Variants in PLXNA4 observed in about 807,000 individuals in gnomAD.
PLXNA4 encodes plexin-A4.
PLXNA4 carries 44 observed loss-of-function variants against 191.8 expected under a neutral mutation model. The observed-to-expected ratio is 0.23, with a 90% confidence interval of 0.18 to 0.29. The LOEUF (loss-of-function observed/expected upper bound fraction) is 0.29. PLXNA4 is among the 10% of genes least tolerant of loss of function. The pLI is 1.00. For missense variants in PLXNA4, 1,800 were observed against 2,488.8 expected (o/e 0.72, Z 5.89); for synonymous variants, 1,082 against 1,009.5 (o/e 1.07, Z -1.36).
At chr7:132,481,706 A>T (rs1356862085) in intron 3 of PLXNA4, among the ~76,000 whole-genome samples, 1 of 152,176 alleles carries the variant, frequency 6.6e-6, no homozygotes, top group Non-Finnish European at 1.5e-5. Context: ...ACAGAGGCCA[A>T]AGGCAGAAGA....
chr7:132,634,421 G>T (rs28360900), intron 2 of PLXNA4, among the ~76,000 whole-genome samples: 2,200 of 151,276 alleles, frequency 0.015, 83 homozygotes, highest in African/African-American at 0.051. Flanking sequence ...GAGTGAGTAG[G>T]GGTCTGACAC....
At chr7:132,567,144 T>C (rs562579436) in intron 1 of PLXNA4, among the ~76,000 whole-genome samples, 1 of 152,212 alleles carries the variant, frequency 6.6e-6, no homozygotes, top group East Asian at 1.9e-4. Flanking sequence ...CAACAACAGG[T>C]CTTCTTCACC....
At chr7:132,569,679 TC>T (rs918037455) in intron 1 of PLXNA4, among the ~76,000 whole-genome samples, 3 of 152,272 alleles carry the variant, frequency 2.0e-5, no homozygotes, top group Non-Finnish European at 2.9e-5. Flanking sequence ...CCTAGCTTTT[TC>T]CACAACAGTG....
intron 3 of PLXNA4, among the ~76,000 whole-genome samples, chr7:132,434,703 C>A (rs1400290649): frequency 6.6e-6 from 1 of 152,156 alleles, no homozygotes; most frequent in Non-Finnish European, 1.5e-5. Context: ...TTGGGGACAC[C>A]AAGGCACACA....
At chr7:132,133,304 T>G (rs1795022358) in intron 30 of PLXNA4, 105 bp from the exon 31 acceptor site, 1 of 1,524,404 alleles carries the variant, frequency 6.6e-7, no homozygotes, top group Non-Finnish European at 8.8e-7. Flanking sequence ...CAGCTTGCAC[T>G]GCAGGTAGTG....
At chr7:132,273,452 C>T (rs1800153979) in intron 4 of PLXNA4, among the ~76,000 whole-genome samples, 1 of 152,166 alleles carries the variant, frequency 6.6e-6, no homozygotes, top group African/African-American at 2.4e-5. Flanking sequence ...TGCTGACTGA[C>T]CTCAACTATG....
chr7:132,151,794 C>G (rs1480900849), intron 25 of PLXNA4, among the ~76,000 whole-genome samples: 4 of 152,144 alleles, frequency 2.6e-5, no homozygotes, highest in African/African-American at 9.7e-5. Flanking sequence ...TCACAAGAAG[C>G]CTACCCAGCT....
intron 3 of PLXNA4, among the ~76,000 whole-genome samples, chr7:132,424,980 C>T (rs1442019487): frequency 1.3e-5 from 2 of 152,146 alleles, no homozygotes; most frequent in African/African-American, 4.8e-5. Flanking sequence ...GTGGGTGAGC[C>T]GCTCACTGCC....
At chr7:132,238,881 A>G (rs749321025) in intron 5 of PLXNA4, among the ~76,000 whole-genome samples, 12 of 152,032 alleles carry the variant, frequency 7.9e-5, no homozygotes, top group African/African-American at 2.4e-4. Context: ...CCCACCCTAC[A>G]CTACATTTCC....
At chr7:132,203,293 C>A in intron 11 of PLXNA4, 30 bp downstream of exon 11, 1 of 1,581,822 alleles carries the variant, frequency 6.3e-7, no homozygotes, top group South Asian at 1.1e-5. Flanking sequence ...CTTCCCCTCC[C>A]TCCCCTGCTA....
chr7:132,516,817 G>A (rs1798960582), intron 1 of PLXNA4, among the ~76,000 whole-genome samples: 1 of 152,184 alleles, frequency 6.6e-6, no homozygotes, highest in Non-Finnish European at 1.5e-5. Context: ...AGCTGGGCAT[G>A]GTGGCACATG....
intron 2 of PLXNA4, among the ~76,000 whole-genome samples, chr7:132,605,716 C>T (rs1802910621): frequency 6.8e-6 from 1 of 147,722 alleles, no homozygotes; most frequent in Non-Finnish European, 1.5e-5. Flanking sequence ...GGAAATGAGG[C>T]TTTGCAGATG....
intron 10 of PLXNA4, among the ~76,000 whole-genome samples, chr7:132,205,278 C>A (rs1221809107): frequency 3.3e-5 from 5 of 152,178 alleles, no homozygotes; most frequent in Non-Finnish European, 7.3e-5. Context: ...TCAGCAGAAT[C>A]ACCCGGGGGG....
chr7:132,518,133 C>A (rs945469249), intron 1 of PLXNA4, among the ~76,000 whole-genome samples: 2 of 152,178 alleles, frequency 1.3e-5, no homozygotes, highest in African/African-American at 2.4e-5. Context: ...TGACAGACAA[C>A]TGACCCCATG....
chr7:132,486,633 C>T (rs1003807919), intron 3 of PLXNA4, among the ~76,000 whole-genome samples: 5 of 152,252 alleles, frequency 3.3e-5, no homozygotes, highest in African/African-American at 7.2e-5. Context: ...CTGACCCTTG[C>T]GCTCTTACCT....
At chr7:132,434,293 C>T (rs891028062) in intron 3 of PLXNA4, among the ~76,000 whole-genome samples, 5 of 152,256 alleles carry the variant, frequency 3.3e-5, no homozygotes, top group South Asian at 2.1e-4. Flanking sequence ...TTCTGGCCAC[C>T]GTAGTGTACC....
chr7:132,151,796 T>A (rs1190474240), intron 25 of PLXNA4, among the ~76,000 whole-genome samples: 1 of 152,110 alleles, frequency 6.6e-6, no homozygotes, highest in African/African-American at 2.4e-5. Flanking sequence ...ACAAGAAGCC[T>A]ACCCAGCTGA....
intron 1 of PLXNA4, among the ~76,000 whole-genome samples, chr7:132,525,234 T>C (rs1416333440): frequency 6.6e-6 from 1 of 152,198 alleles, no homozygotes; most frequent in African/African-American, 2.4e-5. Context: ...TGTGGTAACA[T>C]GTAGACAACA....
At chr7:132,556,718 G>T (rs956717622) in intron 1 of PLXNA4, among the ~76,000 whole-genome samples, 1 of 152,208 alleles carries the variant, frequency 6.6e-6, no homozygotes, top group Non-Finnish European at 1.5e-5. Context: ...ATGTCAAAGG[G>T]TTCCGTCCTT....
Sources: gnomAD v4.1 joint callset for allele counts (sites outside exome capture counted in the v4.1 genomes callset) on GRCh38, gnomAD v4.1.1 for gene constraint, MANE v1.5 for transcripts, NCBI Gene and HGNC (gene_info 2026-07-23, HGNC 2026-07-21) for gene names.